Variants in METAP1D observed in about 807,000 individuals in gnomAD.
METAP1D encodes the protein methionyl aminopeptidase type 1D, mitochondrial.
METAP1D carries 31 observed loss-of-function variants against 40.5 expected under a neutral mutation model. The ratio of observed to expected loss-of-function variants is 0.77; its 90% CI spans 0.58 to 1.03. METAP1D has a LOEUF of 1.03. Ranked by LOEUF, METAP1D falls within the 50% of genes least tolerant of loss-of-function variation. The pLI is 0.00. For synonymous variants in METAP1D, 151 were observed against 146.4 expected (o/e 1.03, Z -0.22); for missense variants, 411 against 420.7 (o/e 0.98, Z 0.20).
chr2:172,080,667 G>A lies in METAP1D; in HGVS notation c.*261G>A. ...CCAGCGCGGTCAACGCATCTGGAGG[G>A]GACTGGAGGAAACCCCCTTGTTGGA... On this transcript the variant is annotated 3_prime_UTR_variant, in exon 10 of 10. Coordinates refer to ENST00000315796, the MANE Select transcript of METAP1D (RefSeq NM_199227.3). 1 of 584,904 alleles carries A rather than the reference G, an allele frequency of 1.7e-6. No homozygotes were observed. The highest frequency in any genetic ancestry group is 3.0e-6 in the Non-Finnish European group (1 of 328,838). 36.2% of individuals were successfully genotyped at this position (584,904 alleles called of 1,614,324 possible).
chr2:172,018,664 G>T (rs6761111), intron 1 of METAP1D, among the ~76,000 whole-genome samples: 1 of 151,888 alleles, frequency 6.6e-6, no homozygotes, highest in African/African-American at 2.4e-5. Flanking sequence ...CCCGGTTAAG[G>T]GTGGGGTACT....
chr2:172,063,066 C>G (rs1270157340), intron 2 of METAP1D, among the ~76,000 whole-genome samples: 1 of 152,160 alleles, frequency 6.6e-6, no homozygotes, highest in Admixed American at 6.5e-5. Flanking sequence ...ATCAGGGTTG[C>G]ACGTCTTGAG....
rs768335482 is a variant in METAP1D, at chr2:172,070,895, G to T, written c.541-12G>T. On this transcript the variant is annotated splice_polypyrimidine_tract_variant and intron_variant, in intron 5 of 9. Transcript: ENST00000315796. ...AACAAGGACATATTTTTAAATTTCT[G>T]CTTATGTTTAGGTCTATTACAATGG... 1 of 1,575,812 alleles carries T rather than the reference G, an allele frequency of 6.3e-7. No individual in the cohort carries two copies. The highest frequency in any genetic ancestry group is 1.9e-5 in the Admixed American group (1 of 53,238).
rs530789753 is a variant in METAP1D at position 172,042,188 on chromosome 2, C to T, written c.41-19310C>T. ...GTACACATATACATATGTATGTGTA[C>T]ATGTGTACACATATACATATGTATG... On this transcript the variant is annotated intron_variant, in intron 1 of 9. Transcript: ENST00000315796. Among the ~76,000 whole-genome samples, 288 of 71,118 alleles carry T rather than the reference C, an allele frequency of 4.0e-3. 86 individuals carry two copies. Among genetic ancestry groups the T allele is most frequent in the East Asian group, 7.2e-3 (25 of 3,480 alleles). The allele number at this position is 71,118 out of a possible 152,430, so 46.7% of individuals were successfully genotyped here. A position where few individuals can be genotyped will look rare whatever the true frequency, so the allele number is the denominator to read the frequency against.
At chr2:172,064,726 G>T (rs906495680) in intron 3 of METAP1D, among the ~76,000 whole-genome samples, 1 of 151,868 alleles carries the variant, frequency 6.6e-6, no homozygotes, top group East Asian at 1.9e-4. Flanking sequence ...CCTATTTTCT[G>T]CCAAAAGGTG....
chr2:172,047,107 A>C (rs1440585953), intron 1 of METAP1D, among the ~76,000 whole-genome samples: 1 of 152,114 alleles, frequency 6.6e-6, no homozygotes, highest in East Asian at 1.9e-4. Context: ...TGTATATTTT[A>C]GTGTTTGTGA....
chr2:172,057,243 A>G (rs1259735228), intron 1 of METAP1D, among the ~76,000 whole-genome samples: 2 of 152,228 alleles, frequency 1.3e-5, no homozygotes, highest in Non-Finnish European at 2.9e-5. Context: ...AGCACCTAGC[A>G]CTGAGCTTAA....
chr2:172,045,427 G>T (rs909032443), intron 1 of METAP1D, among the ~76,000 whole-genome samples: 2 of 131,478 alleles, frequency 1.5e-5, no homozygotes, highest in South Asian at 2.5e-4. Flanking sequence ...TTGAGAGGCC[G>T]AGGCGGGCAG....
At chr2:172,066,946 ACCAAATGGTTAATAG>A (rs1690299243) in intron 5 of METAP1D, among the ~76,000 whole-genome samples, 1 of 152,204 alleles carries the variant, frequency 6.6e-6, no homozygotes, top group Admixed American at 6.5e-5. Context: ...TTAAGTTTTC[ACCAAATGGTTAATAG>A]CCTTTCTTTT....
In METAP1D at chr2:172,039,443, G is replaced by A. The variant is rs142435004; in HGVS notation, c.41-22055G>A. Among the ~76,000 whole-genome samples, 81 of 152,322 alleles carry A rather than the reference G, an allele frequency of 5.3e-4. 3 individuals carry two copies. The highest frequency in any genetic ancestry group is 1.9e-3 in the African/African-American group (80 of 41,562). ...TGGCTGTGAACTCCAAATTAAAAAT[G>A]TGTGTACAATTGTACAGTTTCCAAC... On this transcript the variant is annotated intron_variant, in intron 1 of 9. Transcript: ENST00000315796.
intron 1 of METAP1D, among the ~76,000 whole-genome samples, chr2:172,005,520 T>TTTTATATATATATATATATATATATA (rs1267182910): frequency 2.7e-5 from 3 of 110,934 alleles, no homozygotes; most frequent in African/African-American, 6.3e-5. Context: ...TGTCTGTATT[T>TTTTATATATATATATATATATATATA]TATATATATA....
chr2:172,071,757 A>T (rs1559021078), intron 6 of METAP1D, among the ~76,000 whole-genome samples: 1 of 152,174 alleles, frequency 6.6e-6, no homozygotes, highest in Non-Finnish European at 1.5e-5. Context: ...TGCCGAATAT[A>T]TGTTTTCATT....
rs1332009111 is a variant in METAP1D at position 172,066,294 on chromosome 2, C to T, written c.528C>T (p.Asn176=). 2.5e-6 allele frequency: 4 copies of T among 1,611,002 alleles called. No homozygotes were observed. The highest frequency in any genetic ancestry group is 2.5e-6 in the Non-Finnish European group (3 of 1,178,876). ...SRPLQDGDII[N]IDVTVYYNGY... is the part of the protein sequence containing the mutation. ...CTCTTCAGGATGGAGATATTATCAA[C>T]ATTGATGTCACAGTGAGTAAATCAT... The change falls in exon 5 of 10, where the codon AAC becomes AAT. Residue 176 remains asparagine, a synonymous_variant. Transcript: ENST00000315796.
chr2:172,079,940 A>G (rs983525273), intron 8 of METAP1D, among the ~76,000 whole-genome samples, 188 bp from the exon 9 acceptor site: 2 of 152,082 alleles, frequency 1.3e-5, no homozygotes, highest in Non-Finnish European at 1.5e-5. Flanking sequence ...TCCTCTTCCA[A>G]CTGTTTAGTT....
At chr2:172,017,034 T>G (rs1224009530) in intron 1 of METAP1D, among the ~76,000 whole-genome samples, 1 of 152,152 alleles carries the variant, frequency 6.6e-6, no homozygotes, top group African/African-American at 2.4e-5. Flanking sequence ...TGGTCTATGC[T>G]TCTTTGTAAC....
At position 172,080,649 on chromosome 2, in the gene METAP1D, G is replaced by C. The variant is rs1051941974; in HGVS notation, c.*243G>C. 2 of 597,740 alleles carry C rather than the reference G, an allele frequency of 3.3e-6. No individual in the cohort carries two copies. The highest frequency in any genetic ancestry group is 5.9e-6 in the Non-Finnish European group (2 of 337,232). 37.0% of individuals were successfully genotyped at this position (597,740 alleles called of 1,614,324 possible). ...GGCCCTGGACTCGGTTTCCCAGCGC[G>C]GTCAACGCATCTGGAGGGGACTGGA... On this transcript the variant is annotated 3_prime_UTR_variant, in exon 10 of 10. Coordinates refer to ENST00000315796, the MANE Select transcript of METAP1D (RefSeq NM_199227.3).
chr2:172,030,656 C>T (rs1013168580), intron 1 of METAP1D, among the ~76,000 whole-genome samples: 6 of 152,160 alleles, frequency 3.9e-5, no homozygotes, highest in Admixed American at 3.9e-4. Context: ...CCAGCAATTA[C>T]GTTTCTGCTT....
intron 1 of METAP1D, among the ~76,000 whole-genome samples, chr2:172,006,735 A>G (rs573845568): frequency 6.6e-6 from 1 of 152,270 alleles, no homozygotes; most frequent in East Asian, 1.9e-4. Flanking sequence ...TAGTACAATG[A>G]ACTCCCACGT....
intron 2 of METAP1D, among the ~76,000 whole-genome samples, chr2:172,062,351 C>T (rs1187686517): frequency 4.6e-5 from 7 of 152,136 alleles, no homozygotes; most frequent in African/African-American, 1.7e-4. Flanking sequence ...GGTGAGTGGC[C>T]CACTTTTATG....
Sources: gnomAD v4.1 joint callset for allele counts (sites outside exome capture counted in the v4.1 genomes callset) on GRCh38, gnomAD v4.1.1 for gene constraint, MANE v1.5 for transcripts, NCBI Gene and HGNC (gene_info 2026-07-23, HGNC 2026-07-21) for gene names.